Variants in EPHA7 observed in about 807,000 individuals in gnomAD.
The protein encoded by EPHA7 is EPH receptor A7.
EPHA7 carries 25 observed loss-of-function variants against 112.6 expected under a neutral mutation model. The observed-to-expected ratio is 0.22, with a 90% CI of 0.16 to 0.31. The LOEUF (loss-of-function observed/expected upper bound fraction) is 0.31. Among genes scored for constraint, EPHA7 ranks in the 10% least tolerant of loss-of-function variants. The pLI, the probability that EPHA7 is intolerant of heterozygous loss-of-function variation, is 1.00. For synonymous variants in EPHA7, 437 were observed against 406.5 expected (o/e 1.07, Z -0.90); for missense variants, 962 against 1,212.6 (o/e 0.79, Z 3.07).
At chr6:93,332,754 C>T (rs1466798495) in intron 5 of EPHA7, among the ~76,000 whole-genome samples, 1 of 151,608 alleles carries the variant, frequency 6.6e-6, no homozygotes, top group Admixed American at 6.6e-5. Context: ...ATATGATCAA[C>T]ATCGTGATAT....
chr6:93,412,529 T>C (rs1434772301), intron 2 of EPHA7, among the ~76,000 whole-genome samples: 1 of 152,082 alleles, frequency 6.6e-6, no homozygotes, highest in African/African-American at 2.4e-5. Flanking sequence ...TACTCAAATG[T>C]AGTAAAGAAC....
intron 5 of EPHA7, among the ~76,000 whole-genome samples, chr6:93,343,155 A>T (rs907831809): frequency 1.3e-5 from 2 of 151,720 alleles, no homozygotes; most frequent in Non-Finnish European, 3.0e-5. Context: ...CTTGAAAAAC[A>T]TCCAAAATTT....
intron 10 of EPHA7, 88 bp downstream of exon 10, chr6:93,259,266 G>C: frequency 1.3e-6 from 2 of 1,519,316 alleles, no homozygotes; most frequent in Admixed American, 3.5e-5. Context: ...CTATACTTGA[G>C]GGATAATTAT....
At chr6:93,349,868 G>C (rs1775604413) in intron 5 of EPHA7, among the ~76,000 whole-genome samples, 1 of 151,840 alleles carries the variant, frequency 6.6e-6, no homozygotes, top group South Asian at 2.1e-4. Flanking sequence ...AGTCACAGTT[G>C]AGTCACATTA....
At chr6:93,319,173 C>T (rs1436987589) in intron 5 of EPHA7, among the ~76,000 whole-genome samples, 1 of 151,976 alleles carries the variant, frequency 6.6e-6, no homozygotes, top group Non-Finnish European at 1.5e-5. Context: ...ACTAAGGAAA[C>T]TTTATGGTGT....
At chr6:93,416,511 A>G (rs1779235033) in intron 1 of EPHA7, among the ~76,000 whole-genome samples, 1 of 152,166 alleles carries the variant, frequency 6.6e-6, no homozygotes, top group Admixed American at 6.5e-5. Context: ...GTGATGGCCA[A>G]GTTAAGAGAG....
In EPHA7 at chr6:93,411,094, T is replaced by C. The variant is rs200883289; in HGVS notation, c.239A>G (p.Asn80Ser). The C allele has an allele frequency of 9.9e-6, 16 of 1,613,884 alleles. No homozygotes were observed. The highest frequency in any genetic ancestry group is 5.0e-5 in the Admixed American group (3 of 60,008). The change falls in exon 3 of 17, where the codon AAC becomes AGC. Residue 80 changes from asparagine to serine, a missense_variant. This residue lies in a region of EPHA7 where 160 missense variants were observed against 263.6 expected (regional missense o/e 0.61). Transcript: ENST00000369303. The part of the protein sequence containing the change: ...TYQVCQVMEP[N>S]QNNWLRTNWI... ...GTTAGTCCGCAGCCAGTTGTTTTGG[T>C]TGGGCTCCATGACTTGGCACACCTG...
chr6:93,411,796 A>G (rs1205777380), intron 2 of EPHA7, among the ~76,000 whole-genome samples: 1 of 152,106 alleles, frequency 6.6e-6, no homozygotes, highest in Non-Finnish European at 1.5e-5. Flanking sequence ...ACTATAAATA[A>G]GTAGTTATAA....
At chr6:93,362,712 T>C (rs1395542149) in intron 3 of EPHA7, among the ~76,000 whole-genome samples, 1 of 152,128 alleles carries the variant, frequency 6.6e-6, no homozygotes, top group Non-Finnish European at 1.5e-5. Context: ...ATAACAACTG[T>C]AAATGAACAA....
rs561966653 is a variant in EPHA7 at position 93,313,337 on chromosome 6, T to C, written c.1325-40915A>G. On this transcript the variant is annotated intron_variant, in intron 5 of 16. Coordinates refer to ENST00000369303, the MANE Select transcript of EPHA7 (RefSeq NM_004440.4). ...CATGAGAAAATGATGCTATGTGGTA[T>C]TGAGGAAAAAGTAGCATATAAGATG... Among the ~76,000 whole-genome samples the C allele has an allele frequency of 9.7e-4, 148 of 152,226 alleles. No homozygotes were observed. In the Middle Eastern group the frequency reaches 0.01, roughly 10 times the overall value.
chr6:93,394,466 A>G (rs1778067401), intron 3 of EPHA7, among the ~76,000 whole-genome samples: 1 of 151,772 alleles, frequency 6.6e-6, no homozygotes. Context: ...GAGGAAAATA[A>G]GAAGAACTGA....
chr6:93,356,431 C>T (rs1775950109), intron 5 of EPHA7, among the ~76,000 whole-genome samples: 2 of 152,066 alleles, frequency 1.3e-5, no homozygotes, highest in Admixed American at 1.3e-4. Flanking sequence ...TCTTGAACTG[C>T]TGACCTTGTG....
chr6:93,315,130 G>A, intron 5 of EPHA7, among the ~76,000 whole-genome samples: 1 of 150,190 alleles, frequency 6.7e-6, no homozygotes, highest in African/African-American at 2.5e-5. Context: ...CCAAAGTGCT[G>A]GGATTACAGG....
At chr6:93,296,048 A>C (rs1440427287) in intron 5 of EPHA7, among the ~76,000 whole-genome samples, 1 of 151,752 alleles carries the variant, frequency 6.6e-6, no homozygotes, top group Non-Finnish European at 1.5e-5. Context: ...CGAGCAATAA[A>C]TATTTTATGC....
intron 5 of EPHA7, among the ~76,000 whole-genome samples, chr6:93,297,738 G>A (rs1433706696): frequency 6.6e-6 from 1 of 152,040 alleles, no homozygotes; most frequent in East Asian, 1.9e-4. Flanking sequence ...ACTAAAAACA[G>A]GAACTCAGTA....
chr6:93,330,530 G>A (rs1293195394), intron 5 of EPHA7, among the ~76,000 whole-genome samples: 1 of 151,144 alleles, frequency 6.6e-6, no homozygotes, highest in African/African-American at 2.4e-5. Context: ...AGAACATGTA[G>A]TAGTATTTGT....
At chr6:93,408,690 G>A (rs991574355) in intron 3 of EPHA7, among the ~76,000 whole-genome samples, 1 of 152,090 alleles carries the variant, frequency 6.6e-6, no homozygotes, top group African/African-American at 2.4e-5. Flanking sequence ...TGAGTGCAGA[G>A]CCATAGGTAC....
chr6:93,303,363 G>A (rs1773090064), intron 5 of EPHA7, among the ~76,000 whole-genome samples: 1 of 152,044 alleles, frequency 6.6e-6, no homozygotes, highest in South Asian at 2.1e-4. Context: ...GCCTGTTTCA[G>A]TCTCGTTCCA....
intron 5 of EPHA7, among the ~76,000 whole-genome samples, chr6:93,333,529 C>T (rs1053571523): frequency 1.3e-5 from 2 of 152,026 alleles, no homozygotes; most frequent in African/African-American, 4.8e-5. Flanking sequence ...TTCTCCAAAA[C>T]CTCACCAGCA....
Sources: gnomAD v4.1 joint callset for allele counts (sites outside exome capture counted in the v4.1 genomes callset) on GRCh38, gnomAD v4.1.1 for gene constraint, gnomAD v4.1.1 regional missense constraint, MANE v1.5 for transcripts, NCBI Gene and HGNC (gene_info 2026-07-23, HGNC 2026-07-21) for gene names.